The following NOX4 variants were observed in gnomAD, a reference collection of about 807,000 sequenced individuals.
NOX4 encodes the protein kidney oxidase-1.
NOX4 carries 69 observed loss-of-function variants against 87.6 expected under a neutral mutation model. That is an observed-to-expected ratio of 0.79 (90% CI 0.65 to 0.96). The LOEUF (loss-of-function observed/expected upper bound fraction) is 0.96, where lower values mean the gene tolerates loss of function less well. Ranked by LOEUF, NOX4 falls within the 40% of genes least tolerant of loss-of-function variation. The pLI is 0.00. For synonymous variants in NOX4, 275 were observed against 238.2 expected (o/e 1.15, Z -1.42); for missense variants, 680 against 681.5 (o/e 1.00, Z 0.02).
intron 6 of NOX4, among the ~76,000 whole-genome samples, chr11:89,438,801 A>ATTATATATTATATATATTATATAATATC (rs1944261493): frequency 9.6e-4 from 4 of 4,168 alleles, no homozygotes; most frequent in Non-Finnish European, 1.6e-3. Flanking sequence ...TGTATAATAT[A>ATTATATATTATATATATTATATAATATC]TTATATATTA....
At chr11:89,482,046 G>A (rs1302716197) in intron 2 of NOX4, among the ~76,000 whole-genome samples, 1 of 151,998 alleles carries the variant, frequency 6.6e-6, no homozygotes, top group Admixed American at 6.6e-5. Flanking sequence ...CTACTCCTCA[G>A]AGGTGCTAAT....
At chr11:89,480,311 C>A (rs757683056) in intron 2 of NOX4, among the ~76,000 whole-genome samples, 9 of 152,066 alleles carry the variant, frequency 5.9e-5, no homozygotes, top group Non-Finnish European at 1.2e-4. Context: ...TCCAGGGGAA[C>A]AATGTCATGG....
chr11:89,403,461 G>A (rs1340341095), intron 8 of NOX4, among the ~76,000 whole-genome samples: 1 of 152,160 alleles, frequency 6.6e-6, no homozygotes, highest in African/African-American at 2.4e-5. Context: ...TTGGTTTACA[G>A]TACATGCTTT....
chr11:89,521,678 A>G, the NOX4 span, among the ~76,000 whole-genome samples: 1 of 152,164 alleles, frequency 6.6e-6, no homozygotes, highest in African/African-American at 2.4e-5. Flanking sequence ...AAAATTGTCC[A>G]GTGCCACCTA....
At chr11:89,587,311 T>G in the NOX4 span, among the ~76,000 whole-genome samples, 1 of 152,266 alleles carries the variant, frequency 6.6e-6, no homozygotes, top group South Asian at 2.1e-4. Flanking sequence ...ATAGGTACAT[T>G]AATTAAGGAG....
chr11:89,478,700 G>A (rs1263886113), intron 2 of NOX4, among the ~76,000 whole-genome samples: 1 of 152,078 alleles, frequency 6.6e-6, no homozygotes, highest in African/African-American at 2.4e-5. Flanking sequence ...ACAAGTCTAA[G>A]ACCAATTTTC....
At chr11:89,530,384 C>T in the NOX4 span, among the ~76,000 whole-genome samples, 1 of 146,382 alleles carries the variant, frequency 6.8e-6, no homozygotes, top group Non-Finnish European at 1.5e-5. Context: ...AATCTATCAC[C>T]TAGGCTGGAG....
At chr11:89,505,501 G>A in the NOX4 span, among the ~76,000 whole-genome samples, 2 of 151,886 alleles carry the variant, frequency 1.3e-5, no homozygotes, top group Admixed American at 1.3e-4. Flanking sequence ...TATGTAAGCT[G>A]AGACTCAGAG....
At chr11:89,446,335 C>T (rs1193534691) in intron 4 of NOX4, among the ~76,000 whole-genome samples, 1 of 152,028 alleles carries the variant, frequency 6.6e-6, no homozygotes, top group African/African-American at 2.4e-5. Context: ...ATACTCTTAC[C>T]ACATGATCTC....
intron 5 of NOX4, among the ~76,000 whole-genome samples, chr11:89,441,614 G>A (rs1285119968): frequency 6.6e-6 from 1 of 152,068 alleles, no homozygotes; most frequent in Non-Finnish European, 1.5e-5. Context: ...GCTATAGGGT[G>A]ATCTAAGAAA....
the NOX4 span, among the ~76,000 whole-genome samples, chr11:89,523,826 T>C: frequency 1.3e-5 from 2 of 152,158 alleles, no homozygotes; most frequent in Non-Finnish European, 2.9e-5. Flanking sequence ...TTCAGCAGCA[T>C]GGATGAATAA....
chr11:89,455,744 A>ATATATATATATATGTG (rs1163284365), intron 2 of NOX4, among the ~76,000 whole-genome samples: 2 of 146,900 alleles, frequency 1.4e-5, no homozygotes, highest in African/African-American at 5.2e-5. Flanking sequence ...ATATATATAT[A>ATATATATATATATGTG]TGAAACAAAA....
the NOX4 span, among the ~76,000 whole-genome samples, chr11:89,562,860 T>C: frequency 6.6e-6 from 1 of 152,318 alleles, no homozygotes; most frequent in Non-Finnish European, 1.5e-5. Context: ...TGAATTGTAA[T>C]CCCCACATGT....
At chr11:89,522,918 C>G in the NOX4 span, among the ~76,000 whole-genome samples, 1 of 152,126 alleles carries the variant, frequency 6.6e-6, no homozygotes, top group Non-Finnish European at 1.5e-5. Context: ...AGGTCTCATT[C>G]GGTGTTTCAC....
chr11:89,530,217 T>C, the NOX4 span, among the ~76,000 whole-genome samples: 1 of 151,240 alleles, frequency 6.6e-6, no homozygotes, highest in Admixed American at 6.6e-5. Flanking sequence ...AGGCTGTAAG[T>C]ACTGTCAACA....
chr11:89,332,022 T>C (rs932394657), intron 17 of NOX4, among the ~76,000 whole-genome samples: 5 of 151,846 alleles, frequency 3.3e-5, no homozygotes, highest in African/African-American at 1.2e-4. Context: ...TACTAGACCT[T>C]TGATGGAATG....
the NOX4 span, among the ~76,000 whole-genome samples, chr11:89,581,715 T>A: frequency 6.6e-6 from 1 of 152,178 alleles, no homozygotes; most frequent in Non-Finnish European, 1.5e-5. Context: ...TATTGAGGTA[T>A]AATCTACATA....
chr11:89,430,839 A>T (rs1290921762), intron 7 of NOX4, among the ~76,000 whole-genome samples: 1 of 152,204 alleles, frequency 6.6e-6, no homozygotes, highest in Non-Finnish European at 1.5e-5. Context: ...TTCTTCACAG[A>T]ATTGGAAAAA....
intron 7 of NOX4, among the ~76,000 whole-genome samples, chr11:89,431,540 G>A (rs1324260008): frequency 2.6e-5 from 4 of 152,030 alleles, no homozygotes; most frequent in South Asian, 2.1e-4. Context: ...AGTAGGCAAA[G>A]GATATGAACA....
Sources: gnomAD v4.1 joint callset for allele counts (sites outside exome capture counted in the v4.1 genomes callset) on GRCh38, gnomAD v4.1.1 for gene constraint, MANE v1.5 for transcripts, NCBI Gene and HGNC (gene_info 2026-07-23, HGNC 2026-07-21) for gene names.